HECTD4: variants seen among roughly 807,000 people sequenced by gnomAD.
HECTD4 encodes probable E3 ubiquitin-protein ligase HECTD4.
HECTD4 carries 114 observed loss-of-function variants against 471.5 expected under a neutral mutation model. That is an observed-to-expected ratio of 0.24 (90% CI 0.21 to 0.28). HECTD4 has a LOEUF of 0.28. HECTD4 is among the 10% of genes least tolerant of loss of function. The probability of loss-of-function intolerance (pLI) is 1.00; values close to 1 mark genes in which losing one functional copy is unlikely to be tolerated. For missense variants in HECTD4, 3,866 were observed against 5,651.5 expected (o/e 0.68, Z 10.13); for synonymous variants, 2,012 against 2,256.0 (o/e 0.89, Z 3.07).
rs371909701 is a variant in HECTD4 at position 112,184,882 on chromosome 12, T to C, written c.10084A>G (p.Ile3362Val). 47 of 1,609,694 alleles carry C rather than the reference T, an allele frequency of 2.9e-5. No individual in the cohort carries two copies. The highest frequency in any genetic ancestry group is 3.4e-5 in the Non-Finnish European group (40 of 1,176,876). The change falls in exon 61 of 76, where the codon ATC (isoleucine) becomes GTC (valine). Residue 3362 changes from isoleucine to valine, a missense_variant. By Grantham distance (29) the Ile-to-Val change is conservative. Coordinates refer to ENST00000682272, the MANE Select transcript of HECTD4 (RefSeq NM_001388303.1). This position sits in a 1 kb window ranked among gnomAD's most constrained non-coding sequence, Gnocchi z 9.1. ...LWFHRALTLL[I>V]ILRHLTRKDP... is the part of the protein sequence containing the mutation. ...TTCCTGGTGAGGTGGCGGAGGATGA[T>C]GAGCAGGGTGAGTGCGCGGTGGAAC...
intron 69 of HECTD4, 48 bp from the exon 70 acceptor site, chr12:112,169,706 C>T: frequency 6.2e-7 from 1 of 1,606,114 alleles, no homozygotes; most frequent in Non-Finnish European, 8.5e-7. Flanking sequence ...TGGCCGCCCT[C>T]TCCCCTCCCC....
At chr12:112,333,402 G>A (rs1407184351) in intron 1 of HECTD4, among the ~76,000 whole-genome samples, 1 of 152,242 alleles carries the variant, frequency 6.6e-6, no homozygotes, top group African/African-American at 2.4e-5. Flanking sequence ...TAGTGGGTGT[G>A]AAGTGGTATG....
intron 54 of HECTD4, chr12:112,201,554 T>C (rs1394325675): frequency 5.9e-5 from 9 of 152,664 alleles, no homozygotes; most frequent in African/African-American, 2.2e-4. Context: ...CTAATATATA[T>C]ATATTTATAC....
rs373508143 is a variant in HECTD4 at position 112,179,444 on chromosome 12, C to T, written c.10988-47G>A. ...AAACAATTCTGCCGTGAACATGCAT[C>T]GGGACAAGCCCTGCGAGCATTCTGT... On this transcript the variant is annotated intron_variant, in intron 62 of 75. Transcript: ENST00000682272. This position sits in a 1 kb window ranked among gnomAD's most constrained non-coding sequence, Gnocchi z 4.3. 4.6e-4 allele frequency: 676 copies of T among 1,485,332 alleles called. 1 individual carries two copies. Among genetic ancestry groups the T allele is most frequent in the Non-Finnish European group, 5.9e-4 (633 of 1,079,494 alleles). The allele number at this position is 1,485,332 out of a possible 1,614,324, so 92.0% of individuals were successfully genotyped here.
rs773191160 is a variant in HECTD4, at chr12:112,184,262, G to A, written c.10704C>T (p.Gly3568=). 6.1e-5 allele frequency: 99 copies of A among 1,613,468 alleles called. No individual in the cohort carries two copies. Among genetic ancestry groups the A allele is most frequent in the Non-Finnish European group, 7.4e-5 (87 of 1,179,884 alleles). ...CCAGGGAAGTGACTGTGTACATGGA[G>A]CCCATGTCCGACACCGAGGCCGTCT... ...NAETASVSDM[G]SMYTVTSLDN... is the part of the protein sequence containing the mutation. Residue 3568 remains glycine, a synonymous_variant, in exon 61 of 76, where the codon GGC becomes GGT. Coordinates refer to ENST00000682272, the MANE Select transcript of HECTD4 (RefSeq NM_001388303.1). This position sits in a 1 kb window ranked among gnomAD's most constrained non-coding sequence, Gnocchi z 9.1.
chr12:112,257,084 C>A (rs2135595792), intron 20 of HECTD4, among the ~76,000 whole-genome samples: 1 of 152,300 alleles, frequency 6.6e-6, no homozygotes, highest in East Asian at 1.9e-4. Context: ...CGACATGGAG[C>A]CTGAGGTTGT....
chr12:112,225,131 A>T (rs745869330), intron 44 of HECTD4, among the ~76,000 whole-genome samples: 4 of 152,144 alleles, frequency 2.6e-5, no homozygotes. Context: ...CTTCTGCTGA[A>T]TCCAAGGCAC....
intron 44 of HECTD4, among the ~76,000 whole-genome samples, chr12:112,220,564 A>G (rs2033058854): frequency 6.6e-6 from 1 of 152,160 alleles, no homozygotes; most frequent in Admixed American, 6.5e-5. Flanking sequence ...TGGGAGGCTG[A>G]GGCAGACGGA....
rs780401363 is a variant in HECTD4 at position 112,184,424 on chromosome 12, G to A, written c.10542C>T (p.Ala3514=). The change falls in exon 61 of 76, where the codon GCC becomes GCT. Residue 3514 remains alanine (A), a synonymous_variant. Coordinates refer to ENST00000682272, the MANE Select transcript of HECTD4 (RefSeq NM_001388303.1). This position sits in a 1 kb window ranked among gnomAD's most constrained non-coding sequence, Gnocchi z 9.1. ...CCGGAGGGATGGGCAGCTCGAGGCC[G>A]GCAGGCAGCGGATCCACAGAGAGGT... ...VSDLSVDPLP[A]GLELPIPPGL... 1.0e-5 allele frequency: 16 copies of A among 1,605,144 alleles called. No homozygotes were observed. The highest frequency in any genetic ancestry group is 8.8e-5 in the South Asian group (8 of 90,652).
intron 55 of HECTD4, among the ~76,000 whole-genome samples, chr12:112,196,181 C>T (rs1042271148): frequency 1.3e-5 from 2 of 152,134 alleles, no homozygotes; most frequent in South Asian, 2.1e-4. Context: ...TCTGAACCCA[C>T]GGGGGTCATT....
chr12:112,361,046 A>C (rs2036440096), intron 1 of HECTD4, among the ~76,000 whole-genome samples: 1 of 152,092 alleles, frequency 6.6e-6, no homozygotes, highest in Non-Finnish European at 1.5e-5. Flanking sequence ...TAATAAAGAC[A>C]AGGATCTAAT....
In HECTD4 at chr12:112,382,252, G is replaced by T; in HGVS notation, c.-124C>A. ...GCCCGCCAGCGGCGCCCCACTTGCT[G>T]CCTCGCCCGTGCAACTCCGCCCTAG... On this transcript the variant is annotated 5_prime_UTR_variant, in exon 1 of 76. Coordinates refer to ENST00000682272, the MANE Select transcript of HECTD4 (RefSeq NM_001388303.1). The T allele has an allele frequency of 1.2e-6, 1 of 834,042 alleles. No homozygotes were observed. Among genetic ancestry groups the T allele is most frequent in the Non-Finnish European group, 1.6e-6 (1 of 635,046 alleles). 51.7% of individuals were successfully genotyped at this position (834,042 alleles called of 1,614,324 possible). A position where few individuals can be genotyped will look rare whatever the true frequency, so the allele number is the denominator to read the frequency against.
rs1041513493 is a variant in HECTD4 at position 112,163,897 on chromosome 12, C to T, written c.12702-160G>A. 6.6e-6 allele frequency among the ~76,000 whole-genome samples: 1 copy of T among 152,224 alleles called. No homozygotes were observed. Among genetic ancestry groups the T allele is most frequent in the African/African-American group, 2.4e-5 (1 of 41,466 alleles). ...TCCTTTCCTGCCTCTGGTGCCGCCG[C>T]CTCAGAGCTGCTGTTTTCTTAGTAA... is the stretch of plus-strand genomic sequence containing the variant. On this transcript the variant is annotated intron_variant, in intron 73 of 75. Transcript: ENST00000682272. The surrounding 1 kb of genome is among the most constrained non-coding windows in gnomAD (Gnocchi z 8.2).
intron 64 of HECTD4, among the ~76,000 whole-genome samples, chr12:112,176,996 T>C (rs1593897648): frequency 6.6e-6 from 1 of 152,360 alleles, no homozygotes; most frequent in East Asian, 1.9e-4. Flanking sequence ...GCTAGCCAGA[T>C]GTAGCTACCT....
intron 1 of HECTD4, among the ~76,000 whole-genome samples, chr12:112,344,525 A>G (rs1329512965): frequency 6.6e-6 from 1 of 152,242 alleles, no homozygotes; most frequent in Non-Finnish European, 1.5e-5. Flanking sequence ...GCAGAGGCAC[A>G]TAAGTATGAA....
intron 1 of HECTD4, among the ~76,000 whole-genome samples, chr12:112,335,939 T>C (rs567215414): frequency 9.2e-4 from 140 of 151,562 alleles, no homozygotes; most frequent in Non-Finnish European, 1.8e-3. Context: ...GCTGCAAACA[T>C]CACAAAAAGA....
Position 112,233,017 on chromosome 12 carries a change from C to T in HECTD4, c.5984G>A (p.Arg1995Gln), listed in dbSNP as rs375803344. 5.6e-6 allele frequency: 9 copies of T among 1,611,672 alleles called. No homozygotes were observed. Among genetic ancestry groups the T allele is most frequent in the African/African-American group, 1.3e-5 (1 of 74,890 alleles). Reference sequence around the variant, plus strand: ...TCATGAGGTTACCTTGGTCATGTCTCGATCCATCTTCACAACTTTCTCCAT... The same window carrying T: ...TCATGAGGTTACCTTGGTCATGTCTTGATCCATCTTCACAACTTTCTCCAT... The part of the protein sequence containing the change: ...ANMEKVVKMD[R>Q]DMTKGGCCEV... Residue 1995 changes from arginine (R) to glutamine (Q), a missense_variant, in exon 38 of 76, where the codon CGA becomes CAA. By Grantham distance (43) the Arg-to-Gln change is conservative (BLOSUM62 1). Around this residue, in one of 16 missense-constraint regions of HECTD4, gnomAD observed 617 missense variants for 915.1 expected, o/e 0.67. Transcript: ENST00000682272.
intron 66 of HECTD4, among the ~76,000 whole-genome samples, chr12:112,175,040 G>C (rs927153245): frequency 1.3e-5 from 2 of 152,196 alleles, no homozygotes; most frequent in Non-Finnish European, 2.9e-5. Flanking sequence ...GGCAAGCTGT[G>C]GCCTAGCTGT....
intron 54 of HECTD4, chr12:112,203,027 T>C (rs1372212056): frequency 6.6e-6 from 1 of 152,226 alleles, no homozygotes; most frequent in East Asian, 1.9e-4. Flanking sequence ...CACAGCTCAC[T>C]GCAGCCTTGA....
Sources: gnomAD v4.1 joint callset for allele counts (sites outside exome capture counted in the v4.1 genomes callset) on GRCh38, gnomAD v4.1.1 for gene constraint, gnomAD v4.1.1 regional missense constraint, Gnocchi (gnomAD v3.1) non-coding constraint, MANE v1.5 for transcripts, NCBI Gene and HGNC (gene_info 2026-07-23, HGNC 2026-07-21) for gene names.